The following INPP5D variants were observed in gnomAD, a reference collection of about 807,000 sequenced individuals.
INPP5D encodes phosphatidylinositol 3,4,5-trisphosphate 5-phosphatase 1.
In INPP5D, 33 loss-of-function variants were observed where a neutral mutation model predicts 122.9. That is an observed-to-expected ratio of 0.27 (90% CI 0.20 to 0.36). The LOEUF (loss-of-function observed/expected upper bound fraction) is 0.36. Among genes scored for constraint, INPP5D ranks in the 10% least tolerant of loss-of-function variants. INPP5D has a pLI of 1.00. For synonymous variants in INPP5D, 584 were observed against 576.2 expected, an observed-to-expected ratio of 1.01 and a Z score of -0.19; for missense variants, 1,053 against 1,412.7, an observed-to-expected ratio of 0.75 and a Z score of 4.08.
rs1176388974 is a variant in INPP5D at position 233,170,201 on chromosome 2, T to C, written c.1791+37T>C. 3 of 1,602,862 alleles carry C rather than the reference T, an allele frequency of 1.9e-6. No individual in the cohort carries two copies. Among genetic ancestry groups the C allele is most frequent in the South Asian group, 1.1e-5 (1 of 90,162 alleles). ...CCGCCTGGGGCTGGGGCTGGGGCTG[T>C]ATGAGATGGAGGCTCCCTTGAGTCA... On this transcript the variant is annotated intron_variant, in intron 15 of 26. Coordinates refer to ENST00000445964, the MANE Select transcript of INPP5D (RefSeq NM_001017915.3). This position sits in a 1 kb window ranked among gnomAD's most constrained non-coding sequence, Gnocchi z 4.5.
rs4260233 is a variant in INPP5D at position 233,082,226 on chromosome 2, T to A, written c.198+2828T>A. Among the ~76,000 whole-genome samples, 25,970 of 152,036 alleles carry A rather than the reference T, an allele frequency of 0.17. 2,314 individuals carry two copies. Among genetic ancestry groups the A allele is most frequent in the East Asian group, 0.35 (1,788 of 5,150 alleles). ...AGGATTCTCCCAGGTGGACTCACCTTCGAAAATCTACCTCCAAGAGTAAAT... is the reference window on the plus strand; with the variant it reads ...AGGATTCTCCCAGGTGGACTCACCTACGAAAATCTACCTCCAAGAGTAAAT... On this transcript the variant is annotated intron_variant, in intron 2 of 26. Coordinates refer to ENST00000445964, the MANE Select transcript of INPP5D (RefSeq NM_001017915.3). This position sits in a 1 kb window ranked among gnomAD's most constrained non-coding sequence, Gnocchi z 4.7.
At chr2:233,086,857 G>A (rs569170070) in intron 2 of INPP5D, among the ~76,000 whole-genome samples, 3 of 152,034 alleles carry the variant, frequency 2.0e-5, no homozygotes, top group Admixed American at 6.6e-5. Flanking sequence ...CATGAGCCAC[G>A]GTCTGACAAC....
rs368475597 is a variant in INPP5D, at chr2:233,194,796, C to CT, written c.2597-594dup. 1.5e-3 allele frequency among the ~76,000 whole-genome samples: 227 copies of CT among 150,352 alleles called. 1 individual carries two copies. Among genetic ancestry groups the CT allele is most frequent in the African/African-American group, 5.2e-3 (214 of 40,900 alleles). Reference sequence around the variant, plus strand: ...TACAGACGTGACCACTGCACCGAGCCTTTTTTTTTCTTTCTTTCTTTTTTG... The same window carrying CT: ...TACAGACGTGACCACTGCACCGAGCCTTTTTTTTTTCTTTCTTTCTTTTTTG... On this transcript the variant is annotated intron_variant, in intron 23 of 26. Coordinates refer to ENST00000445964, the MANE Select transcript of INPP5D (RefSeq NM_001017915.3).
intron 3 of INPP5D, among the ~76,000 whole-genome samples, chr2:233,122,973 A>C (rs1259890114): frequency 1.3e-5 from 2 of 152,212 alleles, no homozygotes; most frequent in East Asian, 3.8e-4. Flanking sequence ...AGCCTGGTAC[A>C]TATTCATAGT....
intron 13 of INPP5D, among the ~76,000 whole-genome samples, chr2:233,169,088 G>A (rs1007407314): frequency 3.3e-5 from 5 of 152,142 alleles, no homozygotes; most frequent in South Asian, 4.2e-4. Context: ...CCTCTGCCCC[G>A]CCGAGAAGGC....
At position 233,137,307 on chromosome 2, in the gene INPP5D, C is replaced by T. The variant is rs145839268; in HGVS notation, c.666-2535C>T. ...TTAAAAGATAAACGGAAACCATTTA[C>T]ATAGATAACATTTTAAATTCATCTC... On this transcript the variant is annotated intron_variant, in intron 5 of 26. Coordinates refer to ENST00000445964, the MANE Select transcript of INPP5D (RefSeq NM_001017915.3). Among the ~76,000 whole-genome samples the T allele has an allele frequency of 2.8e-3, 422 of 151,480 alleles. 2 individuals carry two copies. The highest frequency in any genetic ancestry group is 4.4e-3 in the Non-Finnish European group (297 of 67,876).
chr2:233,060,386 C>A lies in INPP5D; in HGVS notation c.-93C>A, dbSNP rs543898643. ...GCCGAGGCCACCAAGAGGCAACGGG[C>A]GGCAGGTTGCAGTGGAGGGGCCTCC... On this transcript the variant is annotated 5_prime_UTR_variant, in exon 1 of 27. Transcript: ENST00000445964. The A allele has an allele frequency of 2.1e-6, 3 of 1,405,232 alleles. No homozygotes were observed. Among genetic ancestry groups the A allele is most frequent in the Non-Finnish European group, 2.9e-6 (3 of 1,048,216 alleles). The allele number at this position is 1,405,232 out of a possible 1,614,324, so 87.0% of individuals were successfully genotyped here. A position where few individuals can be genotyped will look rare whatever the true frequency, so the allele number is the denominator to read the frequency against.
At chr2:233,068,463 C>G (rs545134801) in intron 1 of INPP5D, among the ~76,000 whole-genome samples, 1 of 151,734 alleles carries the variant, frequency 6.6e-6, no homozygotes, top group Non-Finnish European at 1.5e-5. Flanking sequence ...GGCATGGTGG[C>G]GGGTGCCTGT....
At chr2:233,203,746 T>C (rs1695400943) in intron 25 of INPP5D, among the ~76,000 whole-genome samples, 1 of 151,592 alleles carries the variant, frequency 6.6e-6, no homozygotes, top group Non-Finnish European at 1.5e-5. Context: ...AAAACAAAAC[T>C]AAAAAATTAG....
intron 19 of INPP5D, 97 bp from the exon 20 acceptor site, chr2:233,184,311 C>G: frequency 6.7e-7 from 1 of 1,489,522 alleles, no homozygotes; most frequent in Non-Finnish European, 9.0e-7. Context: ...TTCCTGGGAC[C>G]CTGAGAAGGA....
At chr2:233,141,001 A>G (rs1471873417) in intron 6 of INPP5D, 1 of 152,250 alleles carries the variant, frequency 6.6e-6, no homozygotes, top group Non-Finnish European at 1.5e-5. Context: ...GACATTTGAC[A>G]CTAGGCAGCC....
chr2:233,116,346 G>T (rs993152056), intron 2 of INPP5D, among the ~76,000 whole-genome samples: 1 of 151,974 alleles, frequency 6.6e-6, no homozygotes, highest in Non-Finnish European at 1.5e-5. Flanking sequence ...CTGGAGTGCA[G>T]TGGTGTGATT....
chr2:233,066,678 C>T (rs532824489), intron 1 of INPP5D, among the ~76,000 whole-genome samples: 5 of 152,270 alleles, frequency 3.3e-5, no homozygotes, highest in Admixed American at 6.5e-5. Flanking sequence ...ATGATCTCGG[C>T]GCACTGCAAC....
chr2:233,132,981 T>A lies in INPP5D; in HGVS notation c.665+2333T>A, dbSNP rs549824407. ...TCAGCTCACTGCAGCCTCAACCTCC[T>A]GGGCTCAAGTGAGCCTCCCACCTCT... On this transcript the variant is annotated intron_variant, in intron 5 of 26. Coordinates refer to ENST00000445964, the MANE Select transcript of INPP5D (RefSeq NM_001017915.3). Among the ~76,000 whole-genome samples the A allele has an allele frequency of 6.7e-5, 10 of 150,262 alleles. No individual in the cohort carries two copies. The East Asian group carries it at 2.0e-3, about 29-fold the overall frequency.
At chr2:233,060,760 G>GACA in intron 1 of INPP5D, 148 bp downstream of exon 1, 1 of 1,173,188 alleles carries the variant, frequency 8.5e-7, no homozygotes, top group Non-Finnish European at 1.2e-6. Context: ...CCTTGTCCTT[G>GACA]GAGTTCAGAG....
intron 2 of INPP5D, among the ~76,000 whole-genome samples, chr2:233,121,111 TTC>T (rs1692957535): frequency 7.2e-6 from 1 of 138,064 alleles, no homozygotes; most frequent in African/African-American, 2.7e-5. Flanking sequence ...CTTTCTTTCT[TTC>T]TTTCTTTCTT....
At chr2:233,185,742 A>C (rs1419337144) in intron 20 of INPP5D, 101 bp from the exon 21 acceptor site, 5 of 829,744 alleles carry the variant, frequency 6.0e-6, no homozygotes, top group African/African-American at 1.9e-5. Context: ...AAAAAAGGAG[A>C]GAGCACATCT....
intron 3 of INPP5D, among the ~76,000 whole-genome samples, chr2:233,125,070 C>A (rs777337703): frequency 5.3e-5 from 8 of 152,254 alleles, no homozygotes; most frequent in Non-Finnish European, 1.0e-4. Flanking sequence ...TCAGACAGAG[C>A]TCTGGACCCT....
chr2:233,066,347 C>A (rs1691226305), intron 1 of INPP5D, among the ~76,000 whole-genome samples: 1 of 152,226 alleles, frequency 6.6e-6, no homozygotes, highest in Admixed American at 6.5e-5. Flanking sequence ...AGGCATTTCT[C>A]CCCACCCCAG....
Sources: gnomAD v4.1 joint callset for allele counts (sites outside exome capture counted in the v4.1 genomes callset) on GRCh38, gnomAD v4.1.1 for gene constraint, Gnocchi (gnomAD v3.1) non-coding constraint, MANE v1.5 for transcripts, NCBI Gene and HGNC (gene_info 2026-07-23, HGNC 2026-07-21) for gene names.